The following MIPOL1 variants were observed in gnomAD, a reference collection of about 807,000 sequenced individuals.
The protein encoded by MIPOL1 is mirror-image polydactyly gene 1 protein.
Under a neutral mutation model 60.9 loss-of-function variants are expected in MIPOL1, and 57 were observed. The observed-to-expected ratio is 0.94, with a 90% confidence interval of 0.76 to 1.17. MIPOL1 has a LOEUF of 1.17. Ranked by LOEUF, MIPOL1 falls within the 50% of genes most tolerant of loss-of-function variation. The pLI is 0.00. For missense variants in MIPOL1, 551 were observed against 511.6 expected, an observed-to-expected ratio of 1.08 and a Z score of -0.74; for synonymous variants, 179 against 168.8, an observed-to-expected ratio of 1.06 and a Z score of -0.47.
At position 37,427,768 on chromosome 14, in the gene MIPOL1, A is replaced by G. The variant is rs866920972; in HGVS notation, c.1031+4819A>G. Among the ~76,000 whole-genome samples, 8 of 152,218 alleles carry G rather than the reference A, an allele frequency of 5.3e-5. No individual in the cohort carries two copies. In the South Asian group the frequency reaches 1.2e-3, roughly 24 times the overall value. On this transcript the variant is annotated intron_variant, in intron 11 of 12. Coordinates refer to ENST00000684589, the MANE Select transcript of MIPOL1 (RefSeq NM_001388067.1). ...ACTTTAATTTGATTTAAATGAAAGT[A>G]AACAGTATTTCTTACACACCTGGTA... is the stretch of plus-strand genomic sequence containing the variant.
chr14:37,372,068 A>C (rs150192086), intron 10 of MIPOL1, among the ~76,000 whole-genome samples: 1 of 152,180 alleles, frequency 6.6e-6, no homozygotes, highest in Non-Finnish European at 1.5e-5. Context: ...TCTGCCAATA[A>C]TATTTTTAGT....
rs368012359 is a variant in MIPOL1 at position 37,317,703 on chromosome 14, A to G, written c.828+9184A>G. On this transcript the variant is annotated intron_variant, in intron 9 of 12. Transcript: ENST00000684589. ...TCTTGGTTTGTCAAGTAATTGTGCT[A>G]TAGTGATTTGCAGTCAAGAGAAAAA... is the stretch of plus-strand genomic sequence containing the variant. 8.5e-5 allele frequency among the ~76,000 whole-genome samples: 13 copies of G among 152,190 alleles called. No individual in the cohort carries two copies. In the East Asian group the frequency reaches 2.1e-3, roughly 25 times the overall value.
intron 10 of MIPOL1, among the ~76,000 whole-genome samples, chr14:37,383,967 T>C (rs1201404781): frequency 6.6e-6 from 1 of 151,852 alleles, no homozygotes; most frequent in Non-Finnish European, 1.5e-5. Context: ...ATTCATTGCC[T>C]AGAAACAGAT....
At chr14:37,290,969 T>C (rs2153416438) in intron 7 of MIPOL1, among the ~76,000 whole-genome samples, 2 of 152,286 alleles carry the variant, frequency 1.3e-5, no homozygotes, top group East Asian at 3.9e-4. Flanking sequence ...TGGTATTTAG[T>C]TTTCTGTTCT....
At chr14:37,229,089 T>G (rs1970227673) in intron 1 of MIPOL1, among the ~76,000 whole-genome samples, 1 of 152,220 alleles carries the variant, frequency 6.6e-6, no homozygotes, top group South Asian at 2.1e-4. Flanking sequence ...CTAGGTATTG[T>G]GCAAAACAGG....
chr14:37,428,675 T>C (rs2094008846), intron 11 of MIPOL1, among the ~76,000 whole-genome samples: 1 of 150,760 alleles, frequency 6.6e-6, no homozygotes, highest in Admixed American at 6.6e-5. Flanking sequence ...TTTTTTTTTT[T>C]TTTCTGGTTT....
At chr14:37,318,032 C>G (rs930645121) in intron 9 of MIPOL1, among the ~76,000 whole-genome samples, 2 of 152,174 alleles carry the variant, frequency 1.3e-5, no homozygotes, top group Non-Finnish European at 2.9e-5. Context: ...TAGAACTTTC[C>G]TAGCCTGGTT....
chr14:37,358,793 C>T (rs1436975763), intron 9 of MIPOL1, among the ~76,000 whole-genome samples: 1 of 152,172 alleles, frequency 6.6e-6, no homozygotes, highest in Non-Finnish European at 1.5e-5. Flanking sequence ...TGCCTGTTCA[C>T]TCTGAGGGTA....
chr14:37,293,313 T>A (rs2085278838), intron 7 of MIPOL1, among the ~76,000 whole-genome samples: 1 of 151,998 alleles, frequency 6.6e-6, no homozygotes, highest in African/African-American at 2.4e-5. Context: ...CTCCCTATTT[T>A]AAAAAATTAC....
chr14:37,519,782 T>G (rs989311768), intron 12 of MIPOL1, among the ~76,000 whole-genome samples: 3 of 152,264 alleles, frequency 2.0e-5, no homozygotes, highest in South Asian at 4.1e-4. Context: ...TGATTTCTAT[T>G]GAATGGTATT....
Position 37,308,480 on chromosome 14 carries a change from G to T in MIPOL1, c.789G>T (p.Met263Ile), listed in dbSNP as rs1193318061. Residue 263 changes from methionine (M) to isoleucine (I), a missense_variant, in exon 9 of 13, where the codon ATG becomes ATT. Coordinates refer to ENST00000684589, the MANE Select transcript of MIPOL1 (RefSeq NM_001388067.1). ...ECKMRITAEEMSALIEERDAA... is the reference protein window; with the variant it reads ...ECKMRITAEEISALIEERDAA... ...AAATGAGAATAACTGCAGAAGAAAT[G>T]AGTGCACTAATAGAAGAACGGGATG... is the stretch of plus-strand genomic sequence containing the variant. The T allele has an allele frequency of 1.3e-6, 2 of 1,599,074 alleles. No individual in the cohort carries two copies. Among genetic ancestry groups the T allele is most frequent in the Admixed American group, 1.8e-5 (1 of 56,356 alleles).
intron 9 of MIPOL1, among the ~76,000 whole-genome samples, chr14:37,360,940 T>C (rs1007473975): frequency 6.6e-6 from 1 of 152,228 alleles, no homozygotes; most frequent in African/African-American, 2.4e-5. Context: ...TTTTCTGCTT[T>C]CTCTTGTGGG....
At chr14:37,470,867 G>T (rs1003562879) in intron 11 of MIPOL1, among the ~76,000 whole-genome samples, 1 of 152,110 alleles carries the variant, frequency 6.6e-6, no homozygotes. Flanking sequence ...AGAAAGAATT[G>T]GTCTCAGGTC....
chr14:37,546,732 C>G (rs2095548995), intron 12 of MIPOL1, among the ~76,000 whole-genome samples, 173 bp from the exon 13 acceptor site: 1 of 152,078 alleles, frequency 6.6e-6, no homozygotes, highest in African/African-American at 2.4e-5. Context: ...GGTTTTTTAA[C>G]CTCAAATACT....
At chr14:37,236,782 G>C (rs1411462134) in intron 1 of MIPOL1, among the ~76,000 whole-genome samples, 1 of 152,092 alleles carries the variant, frequency 6.6e-6, no homozygotes, top group African/African-American at 2.4e-5. Context: ...TGTGATCAGT[G>C]ACAGCTGTTC....
chr14:37,383,524 A>C (rs1205870442), intron 10 of MIPOL1, among the ~76,000 whole-genome samples: 1 of 151,904 alleles, frequency 6.6e-6, no homozygotes, highest in African/African-American at 2.4e-5. Flanking sequence ...GCTCCGTTAT[A>C]TGATGGTCAG....
intron 9 of MIPOL1, among the ~76,000 whole-genome samples, chr14:37,312,910 A>G (rs1009845097): frequency 1.3e-5 from 2 of 152,168 alleles, no homozygotes; most frequent in Non-Finnish European, 1.5e-5. Flanking sequence ...CTTTTCCAGG[A>G]TCTTTCAGAT....
At chr14:37,430,993 G>C (rs539695384) in intron 11 of MIPOL1, among the ~76,000 whole-genome samples, 1 of 152,236 alleles carries the variant, frequency 6.6e-6, no homozygotes, top group Non-Finnish European at 1.5e-5. Context: ...TCTACAAAGT[G>C]ACTCAACCTC....
intron 11 of MIPOL1, chr14:37,423,821 T>G (rs1566578551): frequency 6.6e-6 from 1 of 152,172 alleles, no homozygotes; most frequent in Non-Finnish European, 1.5e-5. Flanking sequence ...TAAGAAAATA[T>G]TATGTCATGA....
Sources: gnomAD v4.1 joint callset for allele counts (sites outside exome capture counted in the v4.1 genomes callset) on GRCh38, gnomAD v4.1.1 for gene constraint, MANE v1.5 for transcripts, NCBI Gene and HGNC (gene_info 2026-07-23, HGNC 2026-07-21) for gene names.